Variants in FRMD6 observed in about 807,000 individuals in gnomAD.
FRMD6 encodes FERM domain-containing protein 6.
FRMD6 carries 37 observed loss-of-function variants against 73.2 expected under a neutral mutation model. That is an observed-to-expected ratio of 0.51 (90% CI 0.39 to 0.66). The LOEUF (loss-of-function observed/expected upper bound fraction) is 0.66, where lower values mean the gene tolerates loss of function less well. Ranked by LOEUF, FRMD6 falls within the 30% of genes least tolerant of loss-of-function variation. FRMD6 has a pLI of 0.00. For missense variants in FRMD6, 714 were observed against 780.5 expected (o/e 0.91, Z 1.02); for synonymous variants, 273 against 282.2 (o/e 0.97, Z 0.33).
chr14:51,646,628 A>G (rs1892087154), intron 2 of FRMD6, among the ~76,000 whole-genome samples: 1 of 140,298 alleles, frequency 7.1e-6, no homozygotes, highest in Non-Finnish European at 1.6e-5. Context: ...AACCTTTAAG[A>G]CCCATTGTAT....
At chr14:51,451,711 A>G in the FRMD6 span, among the ~76,000 whole-genome samples, 1 of 152,160 alleles carries the variant, frequency 6.6e-6, no homozygotes, top group Non-Finnish European at 1.5e-5. Context: ...ACAAGAGCTA[A>G]TTGTTTAAAA....
chr14:51,572,816 TTCC>T (rs1313571080), intron 2 of FRMD6, among the ~76,000 whole-genome samples: 2 of 152,206 alleles, frequency 1.3e-5, no homozygotes, highest in African/African-American at 4.8e-5. Context: ...AGCTTTTACT[TTCC>T]ATCAACTAAG....
At chr14:51,677,299 A>C (rs907489282) in intron 1 of FRMD6, among the ~76,000 whole-genome samples, 3 of 152,100 alleles carry the variant, frequency 2.0e-5, no homozygotes, top group Non-Finnish European at 4.4e-5. Context: ...TTTCAGGGGA[A>C]AATAAGTAAA....
chr14:51,697,918 G>T, intron 2 of FRMD6: 1 of 401,496 alleles, frequency 2.5e-6, no homozygotes, highest in African/African-American at 2.0e-5. Context: ...GGTAAGATCT[G>T]TGAGTCTTGT....
At chr14:51,397,874 C>G in the FRMD6 span, among the ~76,000 whole-genome samples, 1 of 152,066 alleles carries the variant, frequency 6.6e-6, no homozygotes, top group South Asian at 2.1e-4. Context: ...ATTTTTTGTT[C>G]AGACTTAGGT....
At chr14:51,702,294 G>T (rs1487957354) in intron 4 of FRMD6, among the ~76,000 whole-genome samples, 3 of 151,946 alleles carry the variant, frequency 2.0e-5, no homozygotes, top group Admixed American at 6.6e-5. Context: ...ATAGAAGGAT[G>T]GTGCCCTGTT....
intron 1 of FRMD6, among the ~76,000 whole-genome samples, chr14:51,668,471 A>G (rs909305459): frequency 2.0e-5 from 3 of 151,754 alleles, no homozygotes; most frequent in Non-Finnish European, 4.4e-5. Context: ...ATGCTCGGCT[A>G]ATTTTTGTAT....
chr14:51,472,016 C>G, the FRMD6 span, among the ~76,000 whole-genome samples: 1 of 152,186 alleles, frequency 6.6e-6, no homozygotes, highest in Non-Finnish European at 1.5e-5. Flanking sequence ...GGGGCAGACA[C>G]CAGACCCTAT....
At chr14:51,477,737 CTTTTTTTTT>C in the FRMD6 span, among the ~76,000 whole-genome samples, 3,126 of 134,106 alleles carry the variant, frequency 0.023, 116 homozygotes, top group African/African-American at 0.081. Flanking sequence ...TTTTCTTTTT[CTTTTTTTTT>C]TTTTTTTTTT....
In FRMD6 at chr14:51,708,410, T is replaced by C; in HGVS notation, c.714+177T>C. The C allele has an allele frequency of 1.5e-5, 9 of 600,912 alleles. No individual in the cohort carries two copies. In the South Asian group the frequency reaches 2.0e-4, roughly 13 times the overall value. 37.2% of individuals were successfully genotyped at this position (600,912 alleles called of 1,614,324 possible). A position where few individuals can be genotyped will look rare whatever the true frequency, so the allele number is the denominator to read the frequency against. On this transcript the variant is annotated intron_variant, in intron 7 of 13. Coordinates refer to ENST00000344768, the MANE Select transcript of FRMD6 (RefSeq NM_001267046.2). Reference sequence around the variant, plus strand: ...CGCACGTCAGTCTTGGAGGCCATGGTGCTTTTACTCTGGCCTGGAAGCGGG... The same window carrying C: ...CGCACGTCAGTCTTGGAGGCCATGGCGCTTTTACTCTGGCCTGGAAGCGGG...
rs77906771 is a variant in FRMD6, at chr14:51,522,368, A to G, written c.-210+32948A>G. Among the ~76,000 whole-genome samples, 1,292 of 152,294 alleles carry G rather than the reference A, an allele frequency of 8.5e-3. 27 individuals are homozygous for G. The highest frequency in any genetic ancestry group is 0.066 in the East Asian group (345 of 5,188). On this transcript the variant is annotated intron_variant, in intron 1 of 14. Coordinates refer to the FRMD6 transcript ENST00000356218. Reference sequence around the variant, plus strand: ...ACATGTGATGACATAAATCTGAAGAACAGGGGCACGGGTAAAATAACAAAA... The same window carrying G: ...ACATGTGATGACATAAATCTGAAGAGCAGGGGCACGGGTAAAATAACAAAA...
At chr14:51,542,829 A>C (rs1278992991) in intron 1 of FRMD6, among the ~76,000 whole-genome samples, 2 of 152,076 alleles carry the variant, frequency 1.3e-5, no homozygotes, top group Non-Finnish European at 2.9e-5. Flanking sequence ...GTGAAGTCGT[A>C]TATGACTATA....
chr14:51,616,462 T>G (rs147035709), intron 2 of FRMD6, among the ~76,000 whole-genome samples: 2 of 152,150 alleles, frequency 1.3e-5, no homozygotes, highest in African/African-American at 4.8e-5. Flanking sequence ...ACAAGGGAGC[T>G]GAAGATAAGC....
chr14:51,464,555 G>C, the FRMD6 span, among the ~76,000 whole-genome samples: 13 of 152,316 alleles, frequency 8.5e-5, 1 homozygote, highest in East Asian at 2.5e-3. Flanking sequence ...AGGCGGGGAT[G>C]GGGTAGAGCT....
intron 1 of FRMD6, among the ~76,000 whole-genome samples, chr14:51,494,532 G>A (rs1029865784): frequency 6.6e-6 from 1 of 152,264 alleles, no homozygotes; most frequent in Non-Finnish European, 1.5e-5. Flanking sequence ...ATCCACTGGA[G>A]TGGCAGTTCT....
the FRMD6 span, among the ~76,000 whole-genome samples, chr14:51,459,627 A>G: frequency 6.6e-6 from 1 of 151,994 alleles, no homozygotes; most frequent in East Asian, 1.9e-4. Flanking sequence ...GGAGATTGAG[A>G]CCATCCTGGC....
chr14:51,619,787 A>G (rs985118268), intron 2 of FRMD6, among the ~76,000 whole-genome samples: 2 of 152,202 alleles, frequency 1.3e-5, no homozygotes, highest in African/African-American at 4.8e-5. Flanking sequence ...GACATATCTC[A>G]ACAGCTGGAT....
At chr14:51,650,529 G>A (rs1594655100), upstream of FRMD6, 1 of 150,110 alleles carries the variant, frequency 6.7e-6, no homozygotes, top group East Asian at 1.9e-4. Context: ...CCAAGTAGCT[G>A]GGACTACAGG....
At chr14:51,463,066 CTG>C in the FRMD6 span, among the ~76,000 whole-genome samples, 6 of 152,330 alleles carry the variant, frequency 3.9e-5, no homozygotes, top group East Asian at 1.2e-3. Context: ...TTCCTTGACT[CTG>C]TGGTTTGAGG....
Sources: gnomAD v4.1 joint callset for allele counts (sites outside exome capture counted in the v4.1 genomes callset) on GRCh38, gnomAD v4.1.1 for gene constraint, MANE v1.5 for transcripts, NCBI Gene and HGNC (gene_info 2026-07-23, HGNC 2026-07-21) for gene names.